The following CFAP47 variants were observed in gnomAD, a reference collection of about 807,000 sequenced individuals.
CFAP47 encodes cilia- and flagella-associated protein 47.
CFAP47 carries 29 observed loss-of-function variants against 148.1 expected under a neutral mutation model. The ratio of observed to expected loss-of-function variants is 0.20; its 90% CI spans 0.15 to 0.27. The LOEUF (loss-of-function observed/expected upper bound fraction) is 0.27. Ranked by LOEUF, CFAP47 falls within the 10% of genes least tolerant of loss-of-function variation. The pLI, the probability that CFAP47 is intolerant of heterozygous loss-of-function variation, is 1.00. For synonymous variants in CFAP47, 664 were observed against 577.3 expected, an observed-to-expected ratio of 1.15 and a Z score of -2.15; for missense variants, 1,872 against 1,697.5, an observed-to-expected ratio of 1.10 and a Z score of -1.81.
intron 8 of CFAP47, among the ~76,000 whole-genome samples, chrX:35,963,491 T>C (rs1284409319): frequency 9.0e-6 from 1 of 111,110 alleles, no homozygotes; most frequent in Non-Finnish European, 1.9e-5. Flanking sequence ...TAATTTTAAT[T>C]TCAAATTCTG....
intron 33 of CFAP47, among the ~76,000 whole-genome samples, chrX:36,122,814 A>C (rs1938769027): frequency 8.9e-6 from 1 of 111,796 alleles, no homozygotes; most frequent in Non-Finnish European, 1.9e-5. Context: ...TGATTCATTT[A>C]GTTCATTTGG....
chrX:36,187,398 G>C (rs1197824391), intron 40 of CFAP47, among the ~76,000 whole-genome samples: 2 of 111,874 alleles, frequency 1.8e-5, no homozygotes, highest in Non-Finnish European at 3.8e-5. Flanking sequence ...TAATAAACAT[G>C]ATTGAACTAG....
intron 33 of CFAP47, among the ~76,000 whole-genome samples, chrX:36,129,338 G>T (rs1406991681): frequency 6.4e-5 from 7 of 109,656 alleles, no homozygotes; most frequent in African/African-American, 2.3e-4. Flanking sequence ...TTTTAATTCA[G>T]TCTTTCTCCA....
At chrX:36,020,181 C>G (rs1342602648) in intron 22 of CFAP47, among the ~76,000 whole-genome samples, 1 of 111,538 alleles carries the variant, frequency 9.0e-6, no homozygotes, top group Non-Finnish European at 1.9e-5. Flanking sequence ...TTGTTTTGTT[C>G]AATTGTAGTC....
intron 1 of CFAP47, 34 bp downstream of exon 1, chrX:35,920,082 T>G: frequency 8.8e-7 from 1 of 1,142,208 alleles, no homozygotes; most frequent in Non-Finnish European, 1.2e-6. Context: ...AGCGGGACCT[T>G]GTGAGAGCGC....
intron 2 of CFAP47, among the ~76,000 whole-genome samples, chrX:35,935,296 C>G (rs1935893336): frequency 8.9e-6 from 1 of 112,102 alleles, no homozygotes; most frequent in African/African-American, 3.2e-5. Context: ...ATGTTCCCCC[C>G]ATGGGCAGGC....
At chrX:36,028,979 T>G (rs1937251903) in intron 22 of CFAP47, among the ~76,000 whole-genome samples, 1 of 111,329 alleles carries the variant, frequency 9.0e-6, no homozygotes, top group African/African-American at 3.3e-5. Flanking sequence ...TTTGTATGTT[T>G]GGTAGAATTC....
chrX:36,282,413 A>G (rs1941088843), intron 50 of CFAP47, among the ~76,000 whole-genome samples: 1 of 111,575 alleles, frequency 9.0e-6, no homozygotes, highest in Non-Finnish European at 1.9e-5. Context: ...TTAATAGGCT[A>G]AAAAAGACTG....
At chrX:35,988,507 G>A (rs1033847056) in intron 15 of CFAP47, among the ~76,000 whole-genome samples, 4 of 111,681 alleles carry the variant, frequency 3.6e-5, no homozygotes, top group African/African-American at 1.3e-4. Context: ...AAAACTAAGA[G>A]GGAGGTAGGC....
rs760133279 is a variant in CFAP47 at position 35,951,166 on chromosome X, G to A, written c.692G>A (p.Ser231Asn). The part of the protein sequence containing the change: ...ILQGQPEMLL[S>N]IKAHVVEQII... The stretch of plus-strand genomic sequence containing the variant: ...CAAGGTCAACCTGAGATGCTCTTGA[G>A]TATCAAAGCTCATGTGGTTGAGCAG... Residue 231 changes from serine to asparagine, a missense_variant, in exon 5 of 64, where the codon AGT becomes AAT. By Grantham distance (46) the Ser-to-Asn change is conservative. Transcript: ENST00000378653. The A allele has an allele frequency of 5.8e-6, 7 of 1,209,532 alleles. No homozygotes were observed. Among genetic ancestry groups the A allele is most frequent in the Non-Finnish European group, 7.8e-6 (7 of 894,650 alleles).
rs140259123 is a variant in CFAP47, at chrX:36,104,998, T to C, written c.5320+307T>C. ...TGACATTTTCAACTGTATAGAGTATTAAATATATAGGTGACACTGCTCAAA... is the reference window on the plus strand; with the variant it reads ...TGACATTTTCAACTGTATAGAGTATCAAATATATAGGTGACACTGCTCAAA... On this transcript the variant is annotated intron_variant, in intron 33 of 63. Coordinates refer to ENST00000378653, the MANE Select transcript of CFAP47 (RefSeq NM_001304548.2). Among the ~76,000 whole-genome samples, 475 of 111,971 alleles carry C rather than the reference T, an allele frequency of 4.2e-3. 2 individuals carry two copies. Among genetic ancestry groups the C allele is most frequent in the African/African-American group, 0.015 (452 of 30,948 alleles).
intron 2 of CFAP47, among the ~76,000 whole-genome samples, chrX:35,935,743 C>T (rs1354673680): frequency 9.1e-6 from 1 of 110,231 alleles, no homozygotes; most frequent in East Asian, 2.9e-4. Context: ...CTGTATTTCC[C>T]CTTCATTATC....
chrX:36,089,736 A>C (rs1938152412), intron 30 of CFAP47, among the ~76,000 whole-genome samples: 3 of 112,108 alleles, frequency 2.7e-5, no homozygotes, highest in African/African-American at 9.7e-5. Context: ...TGCTAGGCTT[A>C]ATATTGGAGT....
At chrX:36,275,415 CGTGTGTGTGT>C (rs35781816) in intron 49 of CFAP47, among the ~76,000 whole-genome samples, 28 of 87,738 alleles carry the variant, frequency 3.2e-4, no homozygotes, top group African/African-American at 1.1e-3. Flanking sequence ...GTGAGATCGT[CGTGTGTGTGT>C]GTGTGTGTGT....
intron 15 of CFAP47, among the ~76,000 whole-genome samples, chrX:35,985,369 G>A (rs1936700135): frequency 1.8e-5 from 2 of 111,113 alleles, no homozygotes; most frequent in Non-Finnish European, 3.8e-5. Context: ...GTAGTGGGGT[G>A]CACATGGACA....
chrX:36,095,498 C>T (rs140681718), intron 30 of CFAP47, among the ~76,000 whole-genome samples: 27 of 111,339 alleles, frequency 2.4e-4, no homozygotes, highest in East Asian at 8.5e-4. Context: ...TCAGCAGTAA[C>T]GCCATTTGGT....
intron 49 of CFAP47, among the ~76,000 whole-genome samples, chrX:36,265,527 T>C (rs192728524): frequency 8.9e-6 from 1 of 112,005 alleles, no homozygotes; most frequent in East Asian, 2.8e-4. Flanking sequence ...TTCAGTATGA[T>C]ATTGGCTATA....
rs910182166 is a variant in CFAP47, at chrX:35,951,239, A to G, written c.765A>G (p.Ile255Met). 4.1e-6 allele frequency: 5 copies of G among 1,207,167 alleles called. No individual in the cohort carries two copies. In the African/African-American group the frequency reaches 5.3e-5, roughly 13 times the overall value. ...GTAGTGACAGAAGGCTGGAATGCATACACTTTGGTCCTGTTTTCTTCGGAT... is the reference window on the plus strand; with the variant it reads ...GTAGTGACAGAAGGCTGGAATGCATGCACTTTGGTCCTGTTTTCTTCGGAT... Reference protein sequence around the residue: ...SMSSDRRLECIHFGPVFFGSS... With the variant: ...SMSSDRRLECMHFGPVFFGSS... Residue 255 changes from isoleucine to methionine, a missense_variant, in exon 5 of 64, where the codon ATA becomes ATG. Transcript: ENST00000378653.
intron 13 of CFAP47, 73 bp from the exon 14 acceptor site, chrX:35,975,074 T>C (rs2146669260): frequency 3.3e-6 from 2 of 613,959 alleles, no homozygotes; most frequent in East Asian, 7.4e-5. Context: ...AAAATATATT[T>C]TGAAAACTTA....
Sources: allele counts gnomAD v4.1 joint callset (sites outside exome capture counted in the v4.1 genomes callset), GRCh38; gene constraint gnomAD v4.1.1; transcripts MANE v1.5; gene names NCBI Gene and HGNC (gene_info 2026-07-23, HGNC 2026-07-21).